RGS22: variants seen among roughly 807,000 people sequenced by gnomAD.
RGS22 encodes the protein regulator of G protein signaling 22, also known as regulator of G-protein signaling 22.
In RGS22, 148 loss-of-function variants were observed where a neutral mutation model predicts 172.9. The ratio of observed to expected loss-of-function variants is 0.86; its 90% CI spans 0.75 to 0.98. The LOEUF (loss-of-function observed/expected upper bound fraction) is 0.98, where lower values mean the gene tolerates loss of function less well. Among genes scored for constraint, RGS22 ranks in the 50% least tolerant of loss-of-function variants. The pLI is 0.00. For synonymous variants in RGS22, 458 were observed against 480.2 expected (o/e 0.95, Z 0.60); for missense variants, 1,347 against 1,440.8 (o/e 0.93, Z 1.05).
At chr8:100,043,017 A>G (rs773070721) in intron 11 of RGS22, among the ~76,000 whole-genome samples, 25 of 152,160 alleles carry the variant, frequency 1.6e-4, no homozygotes, top group Non-Finnish European at 3.4e-4. Flanking sequence ...GAGCCGCAAC[A>G]CTGCTGACCA....
At chr8:99,977,583 G>A (rs543831840) in intron 23 of RGS22, among the ~76,000 whole-genome samples, 8 of 152,208 alleles carry the variant, frequency 5.3e-5, no homozygotes, top group Non-Finnish European at 8.8e-5. Flanking sequence ...CTATCATTGA[G>A]GATCTTAGTC....
intron 3 of RGS22, among the ~76,000 whole-genome samples, chr8:100,081,608 G>A (rs929969120): frequency 6.6e-6 from 1 of 151,894 alleles, no homozygotes. Context: ...TATTTCATTA[G>A]TTGCCCACTG....
chr8:100,073,660 G>A (rs537048551), intron 4 of RGS22, among the ~76,000 whole-genome samples: 2 of 152,186 alleles, frequency 1.3e-5, no homozygotes, highest in African/African-American at 4.8e-5. Context: ...GCCCACTAGC[G>A]CTACATTCAA....
chr8:99,986,989 A>G (rs1404333078), intron 21 of RGS22, among the ~76,000 whole-genome samples: 1 of 152,180 alleles, frequency 6.6e-6, no homozygotes, highest in Non-Finnish European at 1.5e-5. Flanking sequence ...ATACCTGAAA[A>G]AAAACCTAAT....
At chr8:100,060,523 C>G (rs1266426085) in intron 9 of RGS22, among the ~76,000 whole-genome samples, 1 of 150,700 alleles carries the variant, frequency 6.6e-6, no homozygotes, top group African/African-American at 2.4e-5. Context: ...AAATCAGGAA[C>G]ATACCCCTAT....
intron 6 of RGS22, 121 bp downstream of exon 6, chr8:100,071,248 A>G: frequency 3.6e-6 from 3 of 826,376 alleles, no homozygotes; most frequent in South Asian, 4.5e-5. Flanking sequence ...TGATCATATC[A>G]CTGCACTCCA....
chr8:99,981,724 G>GTTT (rs534670626), intron 22 of RGS22, among the ~76,000 whole-genome samples: 2 of 129,938 alleles, frequency 1.5e-5, no homozygotes, highest in African/African-American at 2.8e-5. Context: ...TTTTTTTTAG[G>GTTT]TTTTTTTTTT....
At position 99,982,052 on chromosome 8, in the gene RGS22, C is replaced by T. The variant is rs1421226722; in HGVS notation, c.3245G>A (p.Cys1082Tyr). 6 of 1,613,778 alleles carry T rather than the reference C, an allele frequency of 3.7e-6. No individual in the cohort carries two copies. The highest frequency in any genetic ancestry group is 5.1e-6 in the Non-Finnish European group (6 of 1,179,768). Residue 1082 changes from cysteine (C) to tyrosine (Y), a missense_variant, in exon 22 of 28, where the codon TGC becomes TAC. Transcript: ENST00000360863. ...IQKKITTIIN[C>Y]FINSSIPPAL... ...TGGTGGAATACTGGAATTAATAAAG[C>T]AGTTGATAATAGTTGTAATCTTCTT...
intron 4 of RGS22, among the ~76,000 whole-genome samples, chr8:100,073,045 T>A (rs1811100138): frequency 6.6e-6 from 1 of 152,224 alleles, no homozygotes; most frequent in Non-Finnish European, 1.5e-5. Flanking sequence ...CTGTTGTTCA[T>A]CCTAAAATAC....
intron 20 of RGS22, among the ~76,000 whole-genome samples, chr8:99,995,780 T>G (rs1814296369): frequency 6.6e-6 from 1 of 152,240 alleles, no homozygotes; most frequent in Non-Finnish European, 1.5e-5. Context: ...GAAAGTATTA[T>G]AAATCATGCT....
intron 20 of RGS22, among the ~76,000 whole-genome samples, chr8:99,990,455 C>A (rs1018203238): frequency 1.3e-5 from 2 of 152,002 alleles, no homozygotes; most frequent in African/African-American, 4.8e-5. Context: ...TTTTCCTGGC[C>A]GTGGGATGGA....
intron 25 of RGS22, 30 bp from the exon 26 acceptor site, chr8:99,962,797 C>G: frequency 6.3e-7 from 1 of 1,589,136 alleles, no homozygotes; most frequent in Non-Finnish European, 8.5e-7. Context: ...ATAAGAAAAA[C>G]AGTAAAGTAA....
chr8:100,037,559 AT>A (rs1225638708), intron 14 of RGS22, among the ~76,000 whole-genome samples: 4 of 152,196 alleles, frequency 2.6e-5, no homozygotes, highest in African/African-American at 9.7e-5. Flanking sequence ...TGGTTTTACA[AT>A]CATTTATTAC....
intron 2 of RGS22, among the ~76,000 whole-genome samples, chr8:100,096,310 T>C (rs1168881374): frequency 6.6e-6 from 1 of 152,188 alleles, no homozygotes; most frequent in East Asian, 1.9e-4. Flanking sequence ...TTACAATCAT[T>C]TCCTCCATTA....
At chr8:100,104,446 T>C (rs573725304) in intron 2 of RGS22, among the ~76,000 whole-genome samples, 1 of 151,976 alleles carries the variant, frequency 6.6e-6, no homozygotes, top group Admixed American at 6.6e-5. Flanking sequence ...ACCTCTACCT[T>C]CAGTGGCTGT....
intron 11 of RGS22, among the ~76,000 whole-genome samples, chr8:100,043,003 T>C (rs1347526272): frequency 6.6e-6 from 1 of 152,128 alleles, no homozygotes; most frequent in African/African-American, 2.4e-5. Context: ...AAGCCTGATA[T>C]TAGGAGCCGC....
At chr8:100,039,707 A>AT (rs911148172) in intron 13 of RGS22, among the ~76,000 whole-genome samples, 26 of 147,772 alleles carry the variant, frequency 1.8e-4, no homozygotes, top group South Asian at 1.1e-3. Flanking sequence ...AGTAAGACTG[A>AT]TTTTTTTTTT....
chr8:100,006,490 T>A (rs1042030962), intron 15 of RGS22, among the ~76,000 whole-genome samples: 3 of 152,162 alleles, frequency 2.0e-5, no homozygotes. Context: ...CCAGACTCCA[T>A]GTTGTTATTA....
chr8:100,102,365 T>G (rs1813563157), intron 2 of RGS22, among the ~76,000 whole-genome samples: 1 of 152,226 alleles, frequency 6.6e-6, no homozygotes, highest in South Asian at 2.1e-4. Context: ...GGGTCTGATA[T>G]CTACCATGGA....
Sources: gnomAD v4.1 joint callset for allele counts (sites outside exome capture counted in the v4.1 genomes callset) on GRCh38, gnomAD v4.1.1 for gene constraint, MANE v1.5 for transcripts, NCBI Gene and HGNC (gene_info 2026-07-23, HGNC 2026-07-21) for gene names.